Variants in CAMKMT observed in about 807,000 individuals in gnomAD.
CAMKMT encodes calmodulin-lysine N-methyltransferase.
Under a neutral mutation model 48.0 loss-of-function variants are expected in CAMKMT, and 53 were observed. The observed-to-expected ratio is 1.10, with a 90% confidence interval of 0.89 to 1.39. The LOEUF (loss-of-function observed/expected upper bound fraction) is 1.39. Among genes scored for constraint, CAMKMT ranks in the 40% most tolerant of loss-of-function variants. The probability of loss-of-function intolerance (pLI) is 0.00; values close to 1 mark genes in which losing one functional copy is unlikely to be tolerated. For synonymous variants in CAMKMT, 165 were observed against 152.3 expected (o/e 1.08, Z -0.61); for missense variants, 428 against 402.7 (o/e 1.06, Z -0.54).
chr2:44,718,511 C>A (rs372165472), intron 7 of CAMKMT, among the ~76,000 whole-genome samples: 186 of 152,242 alleles, frequency 1.2e-3, no homozygotes, highest in Middle Eastern at 3.4e-3. Flanking sequence ...ACAAAGGAAA[C>A]CATGCTACTA....
chr2:44,635,562 T>A (rs1673081669), intron 3 of CAMKMT, among the ~76,000 whole-genome samples: 1 of 152,222 alleles, frequency 6.6e-6, no homozygotes, highest in Non-Finnish European at 1.5e-5. Context: ...GCACCTTACT[T>A]TGTAAACTAG....
At chr2:44,728,915 T>C (rs1449331543) in intron 7 of CAMKMT, among the ~76,000 whole-genome samples, 2 of 148,944 alleles carry the variant, frequency 1.3e-5, no homozygotes, top group Non-Finnish European at 3.0e-5. Flanking sequence ...TATTTCTTAA[T>C]CTGGGTGGTG....
intron 3 of CAMKMT, among the ~76,000 whole-genome samples, chr2:44,596,604 G>A (rs905291774): frequency 1.3e-5 from 2 of 152,054 alleles, no homozygotes; most frequent in Non-Finnish European, 2.9e-5. Flanking sequence ...CCACTGATTT[G>A]ATCAAATGTA....
chr2:44,756,464 G>A (rs66905336), intron 9 of CAMKMT, among the ~76,000 whole-genome samples: 9,710 of 152,034 alleles, frequency 0.064, 398 homozygotes, highest in Non-Finnish European at 0.092. Context: ...AAAGATGGCC[G>A]GGCACAGTGG....
intron 3 of CAMKMT, among the ~76,000 whole-genome samples, chr2:44,427,554 A>G (rs1212832000): frequency 6.6e-6 from 1 of 152,206 alleles, no homozygotes; most frequent in African/African-American, 2.4e-5. Context: ...AAAATTCTCA[A>G]CTTCGTGAAT....
At chr2:44,572,237 G>A (rs2103739209) in intron 3 of CAMKMT, among the ~76,000 whole-genome samples, 1 of 152,248 alleles carries the variant, frequency 6.6e-6, no homozygotes, top group East Asian at 1.9e-4. Context: ...TGTAGAGACA[G>A]GTTCTCCCTG....
At chr2:44,387,963 G>T (rs1234695330) in intron 2 of CAMKMT, among the ~76,000 whole-genome samples, 5 of 152,160 alleles carry the variant, frequency 3.3e-5, no homozygotes, top group African/African-American at 1.2e-4. Flanking sequence ...GCTCTTAAGA[G>T]TCTTTCCTTC....
At chr2:44,423,181 T>TTTTA (rs1484469584) in intron 3 of CAMKMT, among the ~76,000 whole-genome samples, 1 of 151,756 alleles carries the variant, frequency 6.6e-6, no homozygotes, top group African/African-American at 2.4e-5. Context: ...TTTTATTTTA[T>TTTTA]TTTATTTATT....
intron 2 of CAMKMT, among the ~76,000 whole-genome samples, chr2:44,381,132 C>T (rs1039369753): frequency 6.6e-6 from 1 of 152,082 alleles, no homozygotes; most frequent in Non-Finnish European, 1.5e-5. Context: ...TGCACTCCAC[C>T]CTGGGTGACA....
intron 9 of CAMKMT, 48 bp from the exon 10 acceptor site, chr2:44,766,382 G>A (rs1343983730): frequency 3.7e-6 from 6 of 1,609,574 alleles, no homozygotes; most frequent in East Asian, 2.2e-5. Context: ...GTTATGTTTG[G>A]TTACCTTCCA....
chr2:44,672,238 A>T (rs755682818), intron 3 of CAMKMT, among the ~76,000 whole-genome samples: 1 of 152,186 alleles, frequency 6.6e-6, no homozygotes, highest in South Asian at 2.1e-4. Context: ...ACTAGCAAGG[A>T]GGTCTGGTGA....
chr2:44,603,031 C>G (rs985797697), intron 3 of CAMKMT, among the ~76,000 whole-genome samples: 2 of 151,608 alleles, frequency 1.3e-5, no homozygotes, highest in Non-Finnish European at 2.9e-5. Context: ...ATGTACCCAA[C>G]CTATATATAC....
At chr2:44,546,742 T>G (rs1004051189) in intron 3 of CAMKMT, among the ~76,000 whole-genome samples, 1 of 152,216 alleles carries the variant, frequency 6.6e-6, no homozygotes, top group African/African-American at 2.4e-5. Flanking sequence ...AATGATTTAA[T>G]CAGTTTATGA....
intron 3 of CAMKMT, among the ~76,000 whole-genome samples, chr2:44,522,233 C>T (rs1257168127): frequency 3.3e-5 from 5 of 152,062 alleles, no homozygotes; most frequent in Non-Finnish European, 4.4e-5. Flanking sequence ...TCTTGATCTC[C>T]TGACCTCGTG....
chr2:44,681,869 T>G (rs1676036037), intron 3 of CAMKMT, among the ~76,000 whole-genome samples: 1 of 152,208 alleles, frequency 6.6e-6, no homozygotes, highest in Admixed American at 6.5e-5. Context: ...TCTGCATACG[T>G]GGGAAACGGA....
chr2:44,604,668 A>C (rs1309600671), intron 3 of CAMKMT, among the ~76,000 whole-genome samples: 3 of 151,452 alleles, frequency 2.0e-5, no homozygotes, highest in Non-Finnish European at 2.9e-5. Flanking sequence ...TACATTTACT[A>C]TTTTTTCACT....
chr2:44,701,935 A>G (rs1677280586), intron 3 of CAMKMT, among the ~76,000 whole-genome samples: 1 of 152,054 alleles, frequency 6.6e-6, no homozygotes, highest in South Asian at 2.1e-4. Flanking sequence ...AAATGTTAAC[A>G]GTGATTATAT....
At chr2:44,660,069 A>G (rs556078451) in intron 3 of CAMKMT, among the ~76,000 whole-genome samples, 1 of 152,204 alleles carries the variant, frequency 6.6e-6, no homozygotes, top group Non-Finnish European at 1.5e-5. Context: ...ATAACATTAA[A>G]CTCATTATGT....
intron 1 of CAMKMT, among the ~76,000 whole-genome samples, chr2:44,371,682 C>T (rs2104355297): frequency 6.6e-6 from 1 of 152,264 alleles, no homozygotes; most frequent in African/African-American, 2.4e-5. Context: ...ATTCTCACTT[C>T]TCCCATTGCC....
Sources: gnomAD v4.1 joint callset for allele counts (sites outside exome capture counted in the v4.1 genomes callset) on GRCh38, gnomAD v4.1.1 for gene constraint, MANE v1.5 for transcripts, NCBI Gene and HGNC (gene_info 2026-07-23, HGNC 2026-07-21) for gene names.